Variants in RSU1 observed in about 807,000 individuals in gnomAD.
RSU1 encodes the protein rsu-1.
RSU1 carries 26 observed loss-of-function variants against 31.1 expected under a neutral mutation model. The observed-to-expected ratio is 0.84, with a 90% CI of 0.61 to 1.16. The LOEUF (loss-of-function observed/expected upper bound fraction) is 1.16. Ranked by LOEUF, RSU1 falls within the 50% of genes most tolerant of loss-of-function variation. The pLI is 0.00. For synonymous variants in RSU1, 164 were observed against 136.3 expected, an observed-to-expected ratio of 1.20 and a Z score of -1.41; for missense variants, 320 against 339.1, an observed-to-expected ratio of 0.94 and a Z score of 0.44.
chr10:16,763,150 T>C (rs1180755585), intron 4 of RSU1, among the ~76,000 whole-genome samples: 1 of 152,168 alleles, frequency 6.6e-6, no homozygotes, highest in Non-Finnish European at 1.5e-5. Flanking sequence ...AGTGGGCAGT[T>C]TCATCTGATA....
intron 2 of RSU1, among the ~76,000 whole-genome samples, chr10:16,812,985 CTT>C (rs34410264): frequency 5.2e-4 from 75 of 145,292 alleles, no homozygotes; most frequent in African/African-American, 4.3e-4. Context: ...TGCTGGGAAG[CTT>C]TTTTTTTTTT....
At chr10:16,666,612 T>G (rs1834994027) in intron 8 of RSU1, among the ~76,000 whole-genome samples, 1 of 152,040 alleles carries the variant, frequency 6.6e-6, no homozygotes, top group Non-Finnish European at 1.5e-5. Flanking sequence ...TATAACAAGT[T>G]TGTGTTTTGC....
chr10:16,732,324 A>T (rs1439810920), intron 7 of RSU1, among the ~76,000 whole-genome samples: 1 of 152,122 alleles, frequency 6.6e-6, no homozygotes, highest in Non-Finnish European at 1.5e-5. Context: ...CTCCAAATCC[A>T]TATGTTAAAG....
At position 16,597,878 on chromosome 10, in the gene RSU1, C is replaced by T. The variant is rs565021091; in HGVS notation, c.732-4382G>A. ...CTGGATGACGCTGCTGTCCGCCGCA[C>T]GATCCTTTAACTCCTCCAGCTGTGT... is the stretch of plus-strand genomic sequence containing the variant. On this transcript the variant is annotated intron_variant, in intron 8 of 8. Coordinates refer to ENST00000345264, the MANE Select transcript of RSU1 (RefSeq NM_012425.4). Among the ~76,000 whole-genome samples, 6 of 152,342 alleles carry T rather than the reference C, an allele frequency of 3.9e-5. No homozygotes were observed. The South Asian group carries it at 6.2e-4, about 16-fold the overall frequency.
intron 2 of RSU1, among the ~76,000 whole-genome samples, chr10:16,811,167 A>C (rs1184004546): frequency 2.0e-5 from 3 of 152,280 alleles, no homozygotes; most frequent in Middle Eastern, 3.4e-3. Context: ...CCATACAATC[A>C]CATGCTGTAC....
intron 7 of RSU1, among the ~76,000 whole-genome samples, chr10:16,706,977 T>C (rs1368970315): frequency 6.8e-6 from 1 of 147,730 alleles, no homozygotes; most frequent in Non-Finnish European, 1.5e-5. Flanking sequence ...AAAAAAGATC[T>C]CATATGAGTG....
intron 5 of RSU1, among the ~76,000 whole-genome samples, chr10:16,753,366 T>C (rs1837018048): frequency 6.6e-6 from 1 of 152,228 alleles, no homozygotes; most frequent in Non-Finnish European, 1.5e-5. Context: ...AACACTACTG[T>C]GCCACTTTTA....
rs1837768910 is a variant in RSU1 at position 16,785,493 on chromosome 10, TATATATACAC to T, written c.110-3419_110-3410del. On this transcript the variant is annotated intron_variant, in intron 2 of 8. Coordinates refer to ENST00000345264, the MANE Select transcript of RSU1 (RefSeq NM_012425.4). ...ATACACATATATACATATATACATA[TATATATACAC>T]ATATATACATATATATATATATAAT... Among the ~76,000 whole-genome samples the T allele has an allele frequency of 2.1e-5, 3 of 140,188 alleles. 1 individual carries two copies. Among genetic ancestry groups the T allele is most frequent in the African/African-American group, 8.5e-5 (3 of 35,396 alleles). 92.0% of individuals were successfully genotyped at this position (140,188 alleles called of 152,430 possible).
At chr10:16,720,483 A>G (rs1488896418) in intron 7 of RSU1, among the ~76,000 whole-genome samples, 2 of 152,276 alleles carry the variant, frequency 1.3e-5, no homozygotes, top group African/African-American at 4.8e-5. Context: ...AACAACATGT[A>G]TAATATTAAC....
Position 16,590,677 on chromosome 10 carries a change from AAATTT to A in RSU1, c.*2712_*2716del, listed in dbSNP as rs1276620150. The stretch of plus-strand genomic sequence containing the variant: ...CAAAAGTATATGTGTTCATTAGAAA[AAATTT>A]AAGTACAGAATGAATAAGTAAAATT... On this transcript the variant is annotated 3_prime_UTR_variant, in exon 9 of 9. Transcript: ENST00000345264. 1 of 152,224 alleles carries A rather than the reference AAATTT, an allele frequency of 6.6e-6. No individual in the cohort carries two copies. 9.4% of individuals were successfully genotyped at this position (152,224 alleles called of 1,614,324 possible). A position where few individuals can be genotyped will look rare whatever the true frequency, so the allele number is the denominator to read the frequency against.
chr10:16,804,645 T>C (rs2131674763), intron 2 of RSU1, among the ~76,000 whole-genome samples: 1 of 152,276 alleles, frequency 6.6e-6, no homozygotes, highest in East Asian at 1.9e-4. Context: ...TAAAAAGAAA[T>C]GAGCTATCGA....
intron 4 of RSU1, among the ~76,000 whole-genome samples, chr10:16,758,486 G>A (rs1028082304): frequency 2.0e-5 from 3 of 152,198 alleles, no homozygotes; most frequent in African/African-American, 4.8e-5. Flanking sequence ...GGAAAAGTAT[G>A]GAGCTTTAAG....
At chr10:16,684,827 T>C (rs1461385782) in intron 8 of RSU1, among the ~76,000 whole-genome samples, 4 of 152,216 alleles carry the variant, frequency 2.6e-5, no homozygotes, top group African/African-American at 7.2e-5. Context: ...ACTGTACTTA[T>C]TCATTAACCT....
rs191304220 is a variant in RSU1, at chr10:16,655,143, T to C, written c.731+39880A>G. The stretch of plus-strand genomic sequence containing the variant: ...AATAAGTGAAATGCAATCTAATAAT[T>C]AGTCAATAGATATTTAAAAATATCA... On this transcript the variant is annotated intron_variant, in intron 8 of 8. Coordinates refer to ENST00000345264, the MANE Select transcript of RSU1 (RefSeq NM_012425.4). 2.9e-4 allele frequency among the ~76,000 whole-genome samples: 44 copies of C among 151,912 alleles called. No individual in the cohort carries two copies. In the East Asian group the frequency reaches 8.1e-3, roughly 28 times the overall value.
intron 8 of RSU1, among the ~76,000 whole-genome samples, chr10:16,641,298 C>G (rs1399608483): frequency 6.6e-6 from 1 of 152,080 alleles, no homozygotes; most frequent in African/African-American, 2.4e-5. Context: ...AAGTTTCAGC[C>G]TGGCCAACAT....
chr10:16,757,155 GA>G (rs1837110673), intron 4 of RSU1, among the ~76,000 whole-genome samples: 1 of 151,638 alleles, frequency 6.6e-6, no homozygotes, highest in South Asian at 2.1e-4. Context: ...AAGTCTAAGG[GA>G]ATTTTTTTCT....
intron 8 of RSU1, among the ~76,000 whole-genome samples, chr10:16,612,110 A>G (rs958984108): frequency 2.6e-5 from 4 of 152,230 alleles, no homozygotes; most frequent in African/African-American, 9.6e-5. Flanking sequence ...AACCAAGGCA[A>G]TGCCACACTA....
At chr10:16,806,634 C>T (rs373537459) in intron 2 of RSU1, among the ~76,000 whole-genome samples, 1 of 152,106 alleles carries the variant, frequency 6.6e-6, no homozygotes, top group East Asian at 1.9e-4. Flanking sequence ...GTATTTCAAT[C>T]ATATTATCTA....
At chr10:16,610,403 A>G (rs1284043419) in intron 8 of RSU1, among the ~76,000 whole-genome samples, 3 of 152,222 alleles carry the variant, frequency 2.0e-5, no homozygotes, top group Non-Finnish European at 2.9e-5. Context: ...TACTTTAGAA[A>G]ACGGGTGGCC....
Sources: gnomAD v4.1 joint callset for allele counts (sites outside exome capture counted in the v4.1 genomes callset) on GRCh38, gnomAD v4.1.1 for gene constraint, MANE v1.5 for transcripts, NCBI Gene and HGNC (gene_info 2026-07-23, HGNC 2026-07-21) for gene names.